STX18: variants seen among roughly 807,000 people sequenced by gnomAD.
The protein encoded by STX18 is syntaxin 18, also known as syntaxin-18.
STX18 carries 40 observed loss-of-function variants against 50.1 expected under a neutral mutation model. That is an observed-to-expected ratio of 0.80 (90% CI 0.62 to 1.04). The LOEUF (loss-of-function observed/expected upper bound fraction) is 1.04. Ranked by LOEUF, STX18 falls within the 50% of genes least tolerant of loss-of-function variation. STX18 has a pLI of 0.00. For missense variants in STX18, 410 were observed against 415.8 expected (o/e 0.99, Z 0.12); for synonymous variants, 158 against 151.8 (o/e 1.04, Z -0.30).
intron 5 of STX18, among the ~76,000 whole-genome samples, chr4:4,449,918 G>A (rs1211906839): frequency 2.6e-5 from 4 of 152,178 alleles, no homozygotes; most frequent in African/African-American, 9.7e-5. Flanking sequence ...ATTGATGGCT[G>A]TGTCCTTTAG....
intron 7 of STX18, among the ~76,000 whole-genome samples, chr4:4,432,496 G>A (rs1402085043): frequency 6.6e-6 from 1 of 152,220 alleles, no homozygotes; most frequent in Non-Finnish European, 1.5e-5. Context: ...GTAAAGGAAG[G>A]GGAAACAGAA....
intron 1 of STX18, among the ~76,000 whole-genome samples, chr4:4,484,801 C>T (rs1728629602): frequency 1.3e-5 from 2 of 152,188 alleles, no homozygotes; most frequent in Admixed American, 1.3e-4. Flanking sequence ...TGAATCCCTG[C>T]CGGTTAATAA....
chr4:4,420,966 C>T lies in STX18; in HGVS notation c.832-22G>A, dbSNP rs754867904. On this transcript the variant is annotated intron_variant, in intron 9 of 10. Coordinates refer to ENST00000306200, the MANE Select transcript of STX18 (RefSeq NM_016930.4). This position sits in a 1 kb window ranked among gnomAD's most constrained non-coding sequence, Gnocchi z 4.3. ...CTTCCTGTGGAAGAAAAGATAAATA[C>T]AAGTTGAGTATCCTTTATCCAAAAA... The T allele has an allele frequency of 3.1e-6, 5 of 1,611,386 alleles. No homozygotes were observed. The South Asian group carries it at 3.3e-5, about 11-fold the overall frequency.
At position 4,475,716 on chromosome 4, in the gene STX18, A is replaced by G. The variant is rs75021839; in HGVS notation, c.169-4010T>C. Among the ~76,000 whole-genome samples, 1,419 of 152,358 alleles carry G rather than the reference A, an allele frequency of 9.3e-3. 26 individuals are homozygous for G. The highest frequency in any genetic ancestry group is 0.031 in the African/African-American group (1,291 of 41,574). On this transcript the variant is annotated intron_variant, in intron 1 of 10. Transcript: ENST00000306200. The stretch of plus-strand genomic sequence containing the variant: ...TGGCAAAGACCGCATATTATAGCGC[A>G]TACAATTCTGACGTGCTCATTACAT...
chr4:4,468,696 T>A (rs1432199708), intron 2 of STX18, among the ~76,000 whole-genome samples: 1 of 152,074 alleles, frequency 6.6e-6, no homozygotes, highest in African/African-American at 2.4e-5. Flanking sequence ...AAAAACCACT[T>A]TGGAAAATTG....
At chr4:4,540,138 T>C (rs1295094881) in intron 1 of STX18, among the ~76,000 whole-genome samples, 1 of 152,050 alleles carries the variant, frequency 6.6e-6, no homozygotes, top group African/African-American at 2.4e-5. Context: ...ACCAAGGTAG[T>C]TTTTTAAAAG....
chr4:4,530,693 C>T (rs1052738313), intron 1 of STX18, among the ~76,000 whole-genome samples: 1 of 152,212 alleles, frequency 6.6e-6, no homozygotes, highest in Non-Finnish European at 1.5e-5. Context: ...GCAACCTCTG[C>T]TTCCCGGGTT....
intron 5 of STX18, among the ~76,000 whole-genome samples, chr4:4,454,922 T>C (rs534286159): frequency 2.6e-5 from 4 of 152,360 alleles, no homozygotes; most frequent in South Asian, 4.1e-4. Context: ...TAGATAATAG[T>C]ACAAATTAAC....
intron 1 of STX18, among the ~76,000 whole-genome samples, chr4:4,483,380 A>G (rs1045487687): frequency 1.3e-5 from 2 of 152,156 alleles, no homozygotes; most frequent in South Asian, 2.1e-4. Context: ...TTCCATTTTA[A>G]AAGACTTCTA....
intron 1 of STX18, among the ~76,000 whole-genome samples, chr4:4,506,901 T>C (rs1475147527): frequency 6.6e-6 from 1 of 152,188 alleles, no homozygotes; most frequent in Non-Finnish European, 1.5e-5. Flanking sequence ...CATGAGTAAC[T>C]GAAACTGGAA....
intron 2 of STX18, among the ~76,000 whole-genome samples, chr4:4,463,567 G>A (rs530623879): frequency 1.8e-4 from 27 of 152,156 alleles, no homozygotes; most frequent in Non-Finnish European, 3.5e-4. Flanking sequence ...CAAGGAAAAG[G>A]GAAGTTAATA....
At chr4:4,539,138 A>G (rs1374316800) in intron 1 of STX18, among the ~76,000 whole-genome samples, 1 of 152,200 alleles carries the variant, frequency 6.6e-6, no homozygotes, top group Non-Finnish European at 1.5e-5. Flanking sequence ...TGAGATGGAA[A>G]TCTGGCATCA....
chr4:4,463,612 G>C (rs936767331), intron 2 of STX18, among the ~76,000 whole-genome samples: 1 of 152,112 alleles, frequency 6.6e-6, no homozygotes, highest in Non-Finnish European at 1.5e-5. Flanking sequence ...CAACCACCTC[G>C]TCAACCTAAC....
At chr4:4,531,209 A>G (rs978481447) in intron 1 of STX18, among the ~76,000 whole-genome samples, 2 of 152,062 alleles carry the variant, frequency 1.3e-5, no homozygotes, top group Non-Finnish European at 2.9e-5. Flanking sequence ...AAAAATTCAT[A>G]TATGCATATA....
chr4:4,424,950 T>G (rs1412861496), intron 8 of STX18, among the ~76,000 whole-genome samples: 1 of 152,122 alleles, frequency 6.6e-6, no homozygotes, highest in Non-Finnish European at 1.5e-5. Flanking sequence ...CCCGCAGCAG[T>G]GGCAGCAGGC....
At chr4:4,464,986 G>C (rs1043118870) in intron 2 of STX18, among the ~76,000 whole-genome samples, 2 of 151,142 alleles carry the variant, frequency 1.3e-5, no homozygotes, top group African/African-American at 2.4e-5. Context: ...TTTGGGGTTT[G>C]TTTGCTCTTG....
intron 2 of STX18, among the ~76,000 whole-genome samples, chr4:4,471,222 AC>A (rs1193656555): frequency 6.6e-6 from 1 of 152,202 alleles, no homozygotes; most frequent in Non-Finnish European, 1.5e-5. Flanking sequence ...GCTCATGAGA[AC>A]GTCACCAAAC....
intron 5 of STX18, among the ~76,000 whole-genome samples, chr4:4,445,098 T>C (rs1031766503): frequency 4.0e-5 from 6 of 151,852 alleles, no homozygotes; most frequent in South Asian, 2.1e-4. Context: ...ATGTAGAAAA[T>C]TGATAGAATT....
intron 1 of STX18, among the ~76,000 whole-genome samples, chr4:4,536,341 T>C (rs1731328440): frequency 6.6e-6 from 1 of 152,200 alleles, no homozygotes; most frequent in African/African-American, 2.4e-5. Flanking sequence ...ACAGATTCAG[T>C]GCTAACAACA....
Sources: allele counts gnomAD v4.1 joint callset (sites outside exome capture counted in the v4.1 genomes callset), GRCh38; gene constraint gnomAD v4.1.1; non-coding constraint Gnocchi (gnomAD v3.1); transcripts MANE v1.5; gene names NCBI Gene and HGNC (gene_info 2026-07-23, HGNC 2026-07-21).